EYA1: variants seen among roughly 807,000 people sequenced by gnomAD.
EYA1 encodes protein phosphatase EYA1.
A neutral mutation model predicts 82.0 loss-of-function variants in EYA1; 16 were observed. The observed-to-expected ratio is 0.20, with a 90% CI of 0.13 to 0.30. The LOEUF is 0.30. Among genes scored for constraint, EYA1 ranks in the 10% least tolerant of loss-of-function variants. The pLI is 1.00. For synonymous variants in EYA1, 261 were observed against 264.4 expected, an observed-to-expected ratio of 0.99 and a Z score of 0.12; for missense variants, 633 against 730.7, an observed-to-expected ratio of 0.87 and a Z score of 1.54.
chr8:71,229,974 C>T (rs1811004055), intron 12 of EYA1, among the ~76,000 whole-genome samples: 1 of 152,280 alleles, frequency 6.6e-6, no homozygotes. Context: ...GAGTAGCACA[C>T]AATTAGCAGT....
chr8:71,544,482 C>G (rs188491836), intron 1 of EYA1, among the ~76,000 whole-genome samples: 10 of 152,284 alleles, frequency 6.6e-5, no homozygotes, highest in Admixed American at 6.5e-4. Flanking sequence ...AAAGTTTAGT[C>G]TTTAGGAGGC....
intron 1 of EYA1, among the ~76,000 whole-genome samples, chr8:71,361,388 T>A (rs771500366): frequency 7.2e-5 from 11 of 152,244 alleles, no homozygotes; most frequent in African/African-American, 9.6e-5. Flanking sequence ...CAAAAGTAAT[T>A]GTTAACAATT....
chr8:71,463,205 G>GT (rs1362274192), intron 2 of EYA1, among the ~76,000 whole-genome samples: 67 of 152,282 alleles, frequency 4.4e-4, no homozygotes, highest in Admixed American at 1.7e-3. Flanking sequence ...GCTAGCTACT[G>GT]TATTAGATGG....
intron 11 of EYA1, among the ~76,000 whole-genome samples, chr8:71,267,464 T>C (rs1026670504): frequency 1.3e-5 from 2 of 152,330 alleles, no homozygotes; most frequent in East Asian, 3.9e-4. Context: ...AACTTATCAA[T>C]GAAGGATACA....
intron 9 of EYA1, among the ~76,000 whole-genome samples, chr8:71,294,422 G>A (rs904628529): frequency 2.0e-5 from 3 of 151,986 alleles, no homozygotes; most frequent in Admixed American, 6.6e-5. Flanking sequence ...ATAGCGCCAC[G>A]CCCTCCAGCC....
rs1820081895 is a variant in EYA1 at position 71,300,462 on chromosome 8, T to A, written c.557-742A>T. 2.6e-5 allele frequency among the ~76,000 whole-genome samples: 4 copies of A among 152,100 alleles called. No homozygotes were observed. The South Asian group carries it at 6.2e-4, about 24-fold the overall frequency. On this transcript the variant is annotated intron_variant, in intron 7 of 17. Transcript: ENST00000340726. Reference sequence around the variant, plus strand: ...CCATTGATAATCATATTGGCGAAAATTTTTTTAAGAAGGTAAGATCAGGGA... The same window carrying A: ...CCATTGATAATCATATTGGCGAAAAATTTTTTAAGAAGGTAAGATCAGGGA...
chr8:71,465,482 G>C (rs1425002590), intron 2 of EYA1, among the ~76,000 whole-genome samples: 3 of 152,052 alleles, frequency 2.0e-5, no homozygotes, highest in African/African-American at 4.8e-5. Flanking sequence ...AATTAGCCGG[G>C]TATGGTGGTG....
At chr8:71,335,287 C>T (rs1207305879) in intron 3 of EYA1, among the ~76,000 whole-genome samples, 1 of 152,150 alleles carries the variant, frequency 6.6e-6, no homozygotes, top group African/African-American at 2.4e-5. Context: ...GGAGAAAATG[C>T]AGCTTTTCCT....
At chr8:71,272,268 C>T (rs1480283471) in intron 9 of EYA1, among the ~76,000 whole-genome samples, 2 of 152,112 alleles carry the variant, frequency 1.3e-5, no homozygotes, top group Admixed American at 6.6e-5. Flanking sequence ...ACATTTGCCT[C>T]AGCTGTGGCT....
chr8:71,233,406 C>T (rs7838904), intron 12 of EYA1, among the ~76,000 whole-genome samples: 57,989 of 151,462 alleles, frequency 0.38, 12,544 homozygotes, highest in African/African-American at 0.59. Context: ...CTACTAAAAA[C>T]ACAAAAAATT....
chr8:71,325,069 T>G (rs551303319), intron 4 of EYA1, among the ~76,000 whole-genome samples: 23 of 152,316 alleles, frequency 1.5e-4, no homozygotes, highest in Admixed American at 3.9e-4. Context: ...GTGCACATTA[T>G]CCCTAGGATA....
At chr8:71,298,128 C>T (rs901859454) in intron 9 of EYA1, among the ~76,000 whole-genome samples, 2 of 152,014 alleles carry the variant, frequency 1.3e-5, no homozygotes, top group African/African-American at 4.8e-5. Flanking sequence ...TTATACAGAA[C>T]TTTTTTTCAT....
intron 2 of EYA1, among the ~76,000 whole-genome samples, chr8:71,456,827 T>G (rs1228744475): frequency 2.0e-5 from 3 of 152,110 alleles, no homozygotes; most frequent in Non-Finnish European, 4.4e-5. Flanking sequence ...ACCTAGGCAA[T>G]ACCATTCAGG....
intron 2 of EYA1, among the ~76,000 whole-genome samples, chr8:71,450,467 A>G (rs974658893): frequency 3.3e-5 from 5 of 152,220 alleles, no homozygotes; most frequent in Admixed American, 1.3e-4. Context: ...ACATTTATCA[A>G]TTAAGTTCAT....
intron 9 of EYA1, among the ~76,000 whole-genome samples, chr8:71,273,809 T>C (rs962659013): frequency 2.6e-5 from 4 of 152,198 alleles, no homozygotes; most frequent in Non-Finnish European, 5.9e-5. Context: ...AAGTAAGTAT[T>C]TGAAGAGAAG....
chr8:71,492,614 A>G (rs369583992), intron 2 of EYA1, among the ~76,000 whole-genome samples: 120 of 151,932 alleles, frequency 7.9e-4, no homozygotes, highest in East Asian at 4.9e-3. Flanking sequence ...ACAGGCGCCC[A>G]CCACCACGCC....
At chr8:71,327,616 G>A (rs770300449) in intron 4 of EYA1, among the ~76,000 whole-genome samples, 7 of 152,072 alleles carry the variant, frequency 4.6e-5, no homozygotes, top group Non-Finnish European at 8.8e-5. Flanking sequence ...ACATGCCTTG[G>A]AAAACCAGCC....
chr8:71,426,223 C>G (rs10087795), intron 2 of EYA1, among the ~76,000 whole-genome samples: 96,363 of 152,028 alleles, frequency 0.63, 31,790 homozygotes, highest in Non-Finnish European at 0.72. Context: ...TTTCAAATAA[C>G]TTTTCACTGA....
intron 3 of EYA1, among the ~76,000 whole-genome samples, chr8:71,334,921 A>G (rs980496621): frequency 5.9e-5 from 9 of 152,342 alleles, no homozygotes; most frequent in African/African-American, 2.2e-4. Flanking sequence ...GATTCTCTAA[A>G]GCAATCCACT....
Sources: gnomAD v4.1 joint callset for allele counts (sites outside exome capture counted in the v4.1 genomes callset) on GRCh38, gnomAD v4.1.1 for gene constraint, MANE v1.5 for transcripts, NCBI Gene and HGNC (gene_info 2026-07-23, HGNC 2026-07-21) for gene names.